Variants in VCAN observed in about 807,000 individuals in gnomAD.
VCAN encodes versican core protein.
A neutral mutation model predicts 245.5 loss-of-function variants in VCAN; 44 were observed. The ratio of observed to expected loss-of-function variants is 0.18; its 90% confidence interval spans 0.14 to 0.23. VCAN has a LOEUF of 0.23. Ranked by LOEUF, VCAN falls within the 10% of genes least tolerant of loss-of-function variation. VCAN has a pLI of 1.00. For synonymous variants in VCAN, 1,413 were observed against 1,437.0 expected, an observed-to-expected ratio of 0.98 and a Z score of 0.38; for missense variants, 3,793 against 4,057.9, an observed-to-expected ratio of 0.93 and a Z score of 1.77.
intron 5 of VCAN, among the ~76,000 whole-genome samples, chr5:83,504,320 G>T (rs1580612889): frequency 6.6e-6 from 1 of 151,978 alleles, no homozygotes; most frequent in Admixed American, 6.6e-5. Context: ...TTCATGAAAG[G>T]CTCTGTTGTA....
chr5:83,576,785 T>A (rs1748499486), intron 13 of VCAN, among the ~76,000 whole-genome samples: 1 of 152,204 alleles, frequency 6.6e-6, no homozygotes, highest in Non-Finnish European at 1.5e-5. Context: ...AAATGTAATC[T>A]CTTGTGACTT....
chr5:83,531,465 G>A (rs1580639051), intron 7 of VCAN: 1 of 152,146 alleles, frequency 6.6e-6, no homozygotes, highest in East Asian at 1.9e-4. Context: ...AGAGTATATT[G>A]GAATATAGTA....
intron 1 of VCAN, 64 bp downstream of exon 1, chr5:83,472,087 C>T (rs1353379378): frequency 4.0e-6 from 1 of 247,666 alleles, no homozygotes; most frequent in African/African-American, 2.2e-5. Flanking sequence ...GAAAAAAACC[C>T]GCGAGCTTAG....
At chr5:83,532,711 C>CT (rs1455810783) in intron 7 of VCAN, among the ~76,000 whole-genome samples, 2 of 151,722 alleles carry the variant, frequency 1.3e-5, no homozygotes, top group African/African-American at 4.8e-5. Flanking sequence ...AACAACCTGT[C>CT]TAAAAAAAAA....
Position 83,515,914 on chromosome 5 carries a change from C to T in VCAN, c.1043-3435C>T, listed in dbSNP as rs145043692. Among the ~76,000 whole-genome samples, 493 of 152,218 alleles carry T rather than the reference C, an allele frequency of 3.2e-3. 2 individuals carry two copies. Among genetic ancestry groups the T allele is most frequent in the African/African-American group, 0.011 (472 of 41,536 alleles). On this transcript the variant is annotated intron_variant, in intron 6 of 14. Transcript: ENST00000265077. ...TATTGAATTTGAATTTGTTAGCATT[C>T]CATCACTCATATAACTTTAAAAAGA...
Position 83,537,835 on chromosome 5 carries a change from A to G in VCAN, c.4832A>G (p.Asp1611Gly). 6.2e-7 allele frequency: 1 copy of G among 1,614,026 alleles called. No individual in the cohort carries two copies. Among genetic ancestry groups the G allele is most frequent in the Non-Finnish European group, 8.5e-7 (1 of 1,179,950 alleles). Residue 1611 changes from aspartate to glycine, a missense_variant, in exon 8 of 15, where the codon GAC (aspartate) becomes GGC (glycine). Coordinates refer to ENST00000265077, the MANE Select transcript of VCAN (RefSeq NM_004385.5). The part of the protein sequence containing the change: ...VTLIGNPWPD[D>G]LLSTKESWVE... ...CTAATAGGAAATCCTTGGCCAGATG[A>G]CCTGTTGTCTACCAAAGAAAGCTGG...
chr5:83,571,397 A>T (rs574455412), intron 12 of VCAN, among the ~76,000 whole-genome samples: 39 of 152,326 alleles, frequency 2.6e-4, no homozygotes, highest in African/African-American at 8.7e-4. Flanking sequence ...AACATCTCTA[A>T]GGTCCAAATA....
intron 12 of VCAN, among the ~76,000 whole-genome samples, chr5:83,558,889 A>G (rs1439592547): frequency 6.6e-6 from 1 of 152,106 alleles, no homozygotes; most frequent in Non-Finnish European, 1.5e-5. Context: ...AATTTCACAA[A>G]AGTGAATTCA....
Position 83,490,348 on chromosome 5 carries a change from C to A in VCAN, c.321C>A (p.Pro107=). 4 of 1,614,152 alleles carry A rather than the reference C, an allele frequency of 2.5e-6. No homozygotes were observed. Among genetic ancestry groups the A allele is most frequent in the Non-Finnish European group, 3.4e-6 (4 of 1,180,036 alleles). The change falls in exon 3 of 15, where the codon CCC becomes CCA. Residue 107 remains proline, a synonymous_variant. Coordinates refer to ENST00000265077, the MANE Select transcript of VCAN (RefSeq NM_004385.5). ...GGAGAGTGTCTGTGCCCACACATCC[C>A]GAGGCTGTGGGCGATGCCTCCCTCA... ...YKGRVSVPTH[P]EAVGDASLTV...
intron 13 of VCAN, among the ~76,000 whole-genome samples, chr5:83,574,281 T>G (rs1271950776): frequency 6.6e-6 from 1 of 152,164 alleles, no homozygotes; most frequent in African/African-American, 2.4e-5. Flanking sequence ...GTGCCCCAAA[T>G]AATGCTCTAT....
At position 83,538,042 on chromosome 5, in the gene VCAN, G is replaced by C. The variant is rs555327670; in HGVS notation, c.5039G>C (p.Ser1680Thr). The C allele has an allele frequency of 2.0e-5, 32 of 1,614,052 alleles. 1 individual carries two copies. In the South Asian group the frequency reaches 3.5e-4, roughly 18 times the overall value. ...GACACTAGCAGGATAATCACAGAAA[G>C]CTTTTTTGAGGTTCCTGCAACCACC... ...TLDTSRIITE[S>T]FFEVPATTIY... The change falls in exon 8 of 15, where the codon AGC (serine) becomes ACC (threonine). Residue 1680 changes from serine (S) to threonine (T), a missense_variant. Physicochemically the swap from Ser to Thr is moderately conservative, Grantham distance 58. Coordinates refer to ENST00000265077, the MANE Select transcript of VCAN (RefSeq NM_004385.5).
intron 5 of VCAN, among the ~76,000 whole-genome samples, chr5:83,504,225 G>A (rs1192534320): frequency 6.6e-6 from 1 of 152,098 alleles, no homozygotes; most frequent in Non-Finnish European, 1.5e-5. Flanking sequence ...ATATGTCAAA[G>A]CTATAAGTAT....
intron 13 of VCAN, among the ~76,000 whole-genome samples, chr5:83,577,248 T>C (rs764627228): frequency 2.0e-5 from 3 of 152,156 alleles, no homozygotes; most frequent in African/African-American, 2.4e-5. Flanking sequence ...TCCTCAAATC[T>C]TATCATGAAT....
intron 5 of VCAN, among the ~76,000 whole-genome samples, chr5:83,495,486 A>G (rs1166236410): frequency 6.6e-6 from 1 of 152,206 alleles, no homozygotes; most frequent in African/African-American, 2.4e-5. Flanking sequence ...AAAACATAAC[A>G]TCCAAGCTAT....
rs749998183 is a variant in VCAN, at chr5:83,541,063, T to C, written c.8060T>C (p.Leu2687Pro). 1 of 1,614,084 alleles carries C rather than the reference T, an allele frequency of 6.2e-7. No individual in the cohort carries two copies. Among genetic ancestry groups the C allele is most frequent in the South Asian group, 1.1e-5 (1 of 91,086 alleles). Residue 2687 changes from leucine to proline, a missense_variant, in exon 8 of 15, where the codon CTT (leucine) becomes CCT (proline). Physicochemically the swap from Leu to Pro is moderately conservative, Grantham distance 98 (BLOSUM62 -3). This residue lies in a region of VCAN where 3,182 missense variants were observed against 3,250.3 expected (regional missense o/e 0.98). Coordinates refer to ENST00000265077, the MANE Select transcript of VCAN (RefSeq NM_004385.5). ...ACAGAAACAGAATTAGACGTTTTAC[T>C]TCCCACGGCAACATCCCTGCCAATT... Reference protein sequence around the residue: ...PSTETELDVLLPTATSLPIPR... With the variant: ...PSTETELDVLPPTATSLPIPR...
intron 2 of VCAN, among the ~76,000 whole-genome samples, chr5:83,487,710 A>G (rs556233619): frequency 2.6e-5 from 4 of 152,252 alleles, no homozygotes; most frequent in African/African-American, 9.6e-5. Context: ...TATATATATA[A>G]ACATCTAGAA....
At position 83,520,441 on chromosome 5, in the gene VCAN, T is replaced by C. The variant is rs1394163521; in HGVS notation, c.2135T>C (p.Phe712Ser). The C allele has an allele frequency of 1.2e-6, 2 of 1,613,734 alleles. No homozygotes were observed. Among genetic ancestry groups the C allele is most frequent in the Admixed American group, 1.7e-5 (1 of 59,980 alleles). ...CAAGAAGAGATCACTAAAAGTCCATTTATGGGAAAAACAGAAGAAGAAGTC... is the reference window on the plus strand; with the variant it reads ...CAAGAAGAGATCACTAAAAGTCCATCTATGGGAAAAACAGAAGAAGAAGTC... ...EIQEEITKSP[F>S]MGKTEEEVFS... The change falls in exon 7 of 15, where the codon TTT becomes TCT. Residue 712 changes from phenylalanine to serine, a missense_variant. This residue lies in a region of VCAN where 3,182 missense variants were observed against 3,250.3 expected (regional missense o/e 0.98). Coordinates refer to ENST00000265077, the MANE Select transcript of VCAN (RefSeq NM_004385.5).
intron 12 of VCAN, among the ~76,000 whole-genome samples, chr5:83,562,946 T>TAATATTA (rs1747926706): frequency 6.6e-6 from 1 of 152,158 alleles, no homozygotes; most frequent in Non-Finnish European, 1.5e-5. Context: ...TTAGTGCTGT[T>TAATATTA]CTCAAGAGCT....
At chr5:83,528,989 T>TAC (rs58804437) in intron 7 of VCAN, among the ~76,000 whole-genome samples, 11,554 of 141,382 alleles carry the variant, frequency 0.082, 501 homozygotes, top group African/African-American at 0.1. Flanking sequence ...GAAACAAAGA[T>TAC]ACACACACAC....
Sources: gnomAD v4.1 joint callset for allele counts (sites outside exome capture counted in the v4.1 genomes callset) on GRCh38, gnomAD v4.1.1 for gene constraint, gnomAD v4.1.1 regional missense constraint, MANE v1.5 for transcripts, NCBI Gene and HGNC (gene_info 2026-07-23, HGNC 2026-07-21) for gene names.